The following RPS6KA3 variants were observed in gnomAD, a reference collection of about 807,000 sequenced individuals.
RPS6KA3 encodes the protein ribosomal protein S6 kinase alpha-3.
RPS6KA3 carries 4 observed loss-of-function variants against 67.2 expected under a neutral mutation model. That is an observed-to-expected ratio of 0.06 (90% CI 0.03 to 0.14). The LOEUF (loss-of-function observed/expected upper bound fraction) is 0.14. Ranked by LOEUF, RPS6KA3 falls within the 10% of genes least tolerant of loss-of-function variation. The probability of loss-of-function intolerance (pLI) is 1.00; values close to 1 mark genes in which losing one functional copy is unlikely to be tolerated. For synonymous variants in RPS6KA3, 182 were observed against 183.7 expected (o/e 0.99, Z 0.07); for missense variants, 204 against 559.0 (o/e 0.36, Z 6.40).
In RPS6KA3 at chrX:20,164,880, C is replaced by T; in HGVS notation, c.1764+19G>A. ...TTTTAAAACATACTAATACTGCAAGCAAACTCTCTCACAATTACCTCTGGT... is the reference window on the plus strand; with the variant it reads ...TTTTAAAACATACTAATACTGCAAGTAAACTCTCTCACAATTACCTCTGGT... On this transcript the variant is annotated intron_variant, in intron 18 of 21. Coordinates refer to ENST00000379565, the MANE Select transcript of RPS6KA3 (RefSeq NM_004586.3). 8.5e-7 allele frequency: 1 copy of T among 1,178,178 alleles called. No individual in the cohort carries two copies. The highest frequency in any genetic ancestry group is 1.2e-6 in the Non-Finnish European group (1 of 865,162).
rs2067346348 is a variant in RPS6KA3 at position 20,163,146 on chromosome X, T to C, written c.1765-106A>G. The C allele has an allele frequency of 7.2e-6, 4 of 556,585 alleles. No individual in the cohort carries two copies. The Admixed American group carries it at 9.6e-5, about 13-fold the overall frequency. The allele number at this position is 556,585 out of a possible 1,213,427, so 45.9% of individuals were successfully genotyped here. A position where few individuals can be genotyped will look rare whatever the true frequency, so the allele number is the denominator to read the frequency against. On this transcript the variant is annotated intron_variant, in intron 18 of 21. Transcript: ENST00000379565. ...CCAAATCAACACCTATAAGGAAAAT[T>C]TCAACAGAACATGGTTACCAAATAA...
chrX:20,236,853 A>G (rs1255657528), intron 1 of RPS6KA3, among the ~76,000 whole-genome samples: 1 of 111,831 alleles, frequency 8.9e-6, no homozygotes, highest in Non-Finnish European at 1.9e-5. Flanking sequence ...AGTGACAACC[A>G]TTTATTCAAC....
intron 1 of RPS6KA3, among the ~76,000 whole-genome samples, chrX:20,263,674 T>C (rs764978253): frequency 6.7e-4 from 75 of 111,930 alleles, no homozygotes; most frequent in African/African-American, 2.4e-3. Flanking sequence ...CTTTTTAAAT[T>C]GTTCATATTT....
intron 3 of RPS6KA3, among the ~76,000 whole-genome samples, chrX:20,206,167 T>C (rs1241292260): frequency 8.9e-6 from 1 of 112,124 alleles, no homozygotes. Flanking sequence ...AGAGCATTTC[T>C]GACCTTTTCT....
chrX:20,224,092 G>C (rs1051915893), intron 2 of RPS6KA3, among the ~76,000 whole-genome samples: 1 of 101,754 alleles, frequency 9.8e-6, no homozygotes. Flanking sequence ...TCACCAATGA[G>C]GTAGGAACTA....
chrX:20,186,549 T>A (rs2067986831), intron 9 of RPS6KA3, among the ~76,000 whole-genome samples, 183 bp from the exon 10 acceptor site: 1 of 110,928 alleles, frequency 9.0e-6, no homozygotes, highest in South Asian at 3.7e-4. Context: ...CTAAAACAAC[T>A]GAGCTATACA....
At chrX:20,171,683 A>T (rs1183174410) in intron 15 of RPS6KA3, among the ~76,000 whole-genome samples, 1 of 111,528 alleles carries the variant, frequency 9.0e-6, no homozygotes, top group African/African-American at 3.3e-5. Flanking sequence ...ATAGTCCTCA[A>T]GGTTTCTGTA....
At chrX:20,158,103 G>A (rs1053982521) in intron 20 of RPS6KA3, among the ~76,000 whole-genome samples, 5 of 109,930 alleles carry the variant, frequency 4.5e-5, no homozygotes, top group Non-Finnish European at 9.5e-5. Context: ...AGAAAATTGG[G>A]CTGGGCGTGG....
chrX:20,188,757 G>A (rs887223273), intron 7 of RPS6KA3, among the ~76,000 whole-genome samples: 2 of 112,230 alleles, frequency 1.8e-5, no homozygotes, highest in Non-Finnish European at 3.8e-5. Context: ...ATATGCCAGG[G>A]GCACTTGAAA....
intron 17 of RPS6KA3, among the ~76,000 whole-genome samples, chrX:20,167,007 T>C (rs2067457817): frequency 1.8e-5 from 2 of 110,870 alleles, no homozygotes; most frequent in Admixed American, 1.9e-4. Flanking sequence ...CGTGAGTCAC[T>C]GCACCCGGCC....
chrX:20,227,591 C>CAAAA, intron 2 of RPS6KA3, among the ~76,000 whole-genome samples: 1 of 110,976 alleles, frequency 9.0e-6, no homozygotes, highest in Non-Finnish European at 1.9e-5. Context: ...GATGAGCCTT[C>CAAAA]TTGAGAGTAG....
At chrX:20,170,925 T>A (rs1185229175) in intron 15 of RPS6KA3, among the ~76,000 whole-genome samples, 1 of 110,449 alleles carries the variant, frequency 9.1e-6, no homozygotes, top group Non-Finnish European at 1.9e-5. Flanking sequence ...CAGGCACATG[T>A]AGCCACGCCT....
rs1445410526 is a variant in RPS6KA3 at position 20,208,083 on chromosome X, G to A, written c.243+1205C>T. Reference sequence around the variant, plus strand: ...GAAGATAGTTTTTTCACAGACTGGCGCGGTGGGAGGGGGAGATGATTTTGG... The same window carrying A: ...GAAGATAGTTTTTTCACAGACTGGCACGGTGGGAGGGGGAGATGATTTTGG... On this transcript the variant is annotated intron_variant, in intron 3 of 21. Coordinates refer to ENST00000379565, the MANE Select transcript of RPS6KA3 (RefSeq NM_004586.3). 3.6e-5 allele frequency among the ~76,000 whole-genome samples: 4 copies of A among 110,929 alleles called. No individual in the cohort carries two copies. The South Asian group carries it at 1.1e-3, about 32-fold the overall frequency.
intron 1 of RPS6KA3, among the ~76,000 whole-genome samples, chrX:20,240,285 C>CT (rs778713587): frequency 0.015 from 793 of 54,349 alleles, 17 homozygotes; most frequent in Admixed American, 0.029. Context: ...AAGGACCATA[C>CT]TTTTTTTTTT....
At chrX:20,212,826 T>C (rs1254717025) in intron 2 of RPS6KA3, among the ~76,000 whole-genome samples, 7 of 111,850 alleles carry the variant, frequency 6.3e-5, no homozygotes, top group African/African-American at 9.8e-5. Context: ...AAGCACAGTG[T>C]TGAGAACACT....
At chrX:20,227,133 T>TC (rs772866732) in intron 2 of RPS6KA3, among the ~76,000 whole-genome samples, 1 of 111,590 alleles carries the variant, frequency 9.0e-6, no homozygotes, top group African/African-American at 3.3e-5. Flanking sequence ...TCACTTCTAT[T>TC]CCCCCACCTC....
rs2067162616 is a variant in RPS6KA3, at chrX:20,155,182, T to C, written c.*216A>G. The C allele has an allele frequency of 4.5e-6, 2 of 446,406 alleles. No homozygotes were observed. The highest frequency in any genetic ancestry group is 7.4e-5 in the Admixed American group (2 of 26,848). The allele number at this position is 446,406 out of a possible 1,213,427, so 36.8% of individuals were successfully genotyped here. A position where few individuals can be genotyped will look rare whatever the true frequency, so the allele number is the denominator to read the frequency against. On this transcript the variant is annotated 3_prime_UTR_variant, in exon 22 of 22. Coordinates refer to ENST00000379565, the MANE Select transcript of RPS6KA3 (RefSeq NM_004586.3). ...TGACTATATCTTCATCATGTTTCCA[T>C]TTTCATTTCTTCCGAAGCTCCAGGA...
intron 19 of RPS6KA3, 120 bp downstream of exon 19, chrX:20,162,844 C>G (rs754717316): frequency 3.6e-6 from 2 of 563,060 alleles, no homozygotes; most frequent in Non-Finnish European, 6.4e-6. Flanking sequence ...GAGACCCTGT[C>G]TCTAAAGAAA....
At position 20,162,783 on chromosome X, in the gene RPS6KA3, G is replaced by A. The variant is rs140123435; in HGVS notation, c.1841+181C>T. On this transcript the variant is annotated intron_variant, in intron 19 of 21. Coordinates refer to ENST00000379565, the MANE Select transcript of RPS6KA3 (RefSeq NM_004586.3). Reference sequence around the variant, plus strand: ...GATTGCTTGAGCCCAGGAGTTTGGGGCTATAGTGAACTATGGCTGTGTCAC... The same window carrying A: ...GATTGCTTGAGCCCAGGAGTTTGGGACTATAGTGAACTATGGCTGTGTCAC... Among the ~76,000 whole-genome samples, 161 of 111,416 alleles carry A rather than the reference G, an allele frequency of 1.4e-3. 3 individuals are homozygous for A. In the East Asian group the frequency reaches 0.033, roughly 23 times the overall value.
Sources: allele counts gnomAD v4.1 joint callset (sites outside exome capture counted in the v4.1 genomes callset), GRCh38; gene constraint gnomAD v4.1.1; transcripts MANE v1.5; gene names NCBI Gene and HGNC (gene_info 2026-07-23, HGNC 2026-07-21).